Variants in MAP4 observed in about 807,000 individuals in gnomAD.
The protein encoded by MAP4 is microtubule-associated protein 4.
MAP4 carries 76 observed loss-of-function variants against 170.2 expected under a neutral mutation model. The observed-to-expected ratio is 0.45, with a 90% CI of 0.37 to 0.54. MAP4 has a LOEUF of 0.54. Among genes scored for constraint, MAP4 ranks in the 20% least tolerant of loss-of-function variants. MAP4 has a pLI of 0.00. For synonymous variants in MAP4, 909 were observed against 994.5 expected, an observed-to-expected ratio of 0.91 and a Z score of 1.62; for missense variants, 2,506 against 2,748.0, an observed-to-expected ratio of 0.91 and a Z score of 1.97.
intron 1 of MAP4, among the ~76,000 whole-genome samples, chr3:48,029,721 C>T (rs1301621229): frequency 2.0e-5 from 3 of 152,030 alleles, no homozygotes; most frequent in Non-Finnish European, 4.4e-5. Context: ...AGAGGTAGGT[C>T]GGGCACGGTG....
chr3:47,961,643 G>T (rs768997578), intron 3 of MAP4, among the ~76,000 whole-genome samples: 1 of 152,090 alleles, frequency 6.6e-6, no homozygotes, highest in African/African-American at 2.4e-5. Context: ...CCTAGAGAGC[G>T]GGCATGATGA....
chr3:47,983,341 T>C (rs1282811874), intron 2 of MAP4, among the ~76,000 whole-genome samples: 1 of 152,168 alleles, frequency 6.6e-6, no homozygotes, highest in Non-Finnish European at 1.5e-5. Context: ...CCCAAGTATA[T>C]GGTGACAACA....
At chr3:48,024,203 G>A (rs529058564) in intron 1 of MAP4, among the ~76,000 whole-genome samples, 3 of 152,122 alleles carry the variant, frequency 2.0e-5, no homozygotes, top group East Asian at 1.9e-4. Context: ...CCAGCTACTC[G>A]GGAGGCTGAG....
intron 1 of MAP4, among the ~76,000 whole-genome samples, chr3:48,026,187 A>G (rs1278431486): frequency 6.6e-6 from 1 of 152,176 alleles, no homozygotes; most frequent in Admixed American, 6.5e-5. Context: ...GTAAACATAA[A>G]TCCTGCTTGC....
chr3:47,926,657 C>A (rs974241119), intron 4 of MAP4, among the ~76,000 whole-genome samples: 1 of 152,160 alleles, frequency 6.6e-6, no homozygotes, highest in Admixed American at 6.5e-5. Flanking sequence ...ACCCCAGCCT[C>A]CCGAGTAGCT....
chr3:47,942,738 AGTT>A (rs541590209), intron 3 of MAP4, among the ~76,000 whole-genome samples: 2 of 152,250 alleles, frequency 1.3e-5, no homozygotes, highest in South Asian at 4.1e-4. Context: ...ATGCTAAAAT[AGTT>A]GTGGTAAAAT....
chr3:48,063,789 A>G (rs1579726975), intron 1 of MAP4, among the ~76,000 whole-genome samples: 1 of 152,244 alleles, frequency 6.6e-6, no homozygotes, highest in Non-Finnish European at 1.5e-5. Flanking sequence ...CGACATTGTG[A>G]AAAAGGCAAA....
At chr3:47,951,392 G>C (rs980949497) in intron 3 of MAP4, among the ~76,000 whole-genome samples, 16 of 152,160 alleles carry the variant, frequency 1.1e-4, no homozygotes, top group African/African-American at 2.9e-4. Flanking sequence ...GTCTCCCTCT[G>C]ATGCCGAGCC....
In MAP4 at chr3:47,912,313, A is replaced by T; in HGVS notation, c.2108T>A (p.Leu703Gln). Residue 703 changes from leucine to glutamine, a missense_variant, in exon 9 of 21, where the codon CTG becomes CAG. Leu to Gln is a moderately radical substitution (Grantham distance 113). This residue lies in a region of MAP4 where 2,008 missense variants were observed against 2,206.0 expected (regional missense o/e 0.91). Coordinates refer to ENST00000683076, the MANE Select transcript of MAP4 (RefSeq NM_001385682.1). ...AGTCTTCCATGGAGGAGAGCCTCCCAGCAGCTCAGGAGGGACCCTGGCAGG... is the reference window on the plus strand; with the variant it reads ...AGTCTTCCATGGAGGAGAGCCTCCCTGCAGCTCAGGAGGGACCCTGGCAGG... ...PKPARVPPEL[L>Q]GGSPPWKTLD... 6.5e-7 allele frequency: 1 copy of T among 1,536,162 alleles called. No homozygotes were observed. Among genetic ancestry groups the T allele is most frequent in the South Asian group, 1.2e-5 (1 of 84,058 alleles).
chr3:48,029,586 T>G (rs2100114882), intron 1 of MAP4, among the ~76,000 whole-genome samples: 1 of 152,166 alleles, frequency 6.6e-6, no homozygotes, highest in African/African-American at 2.4e-5. Context: ...GCATACTGAT[T>G]CCTAAGGTAG....
rs2154383210 is a variant in MAP4 at position 48,001,257 on chromosome 3, G to A, written c.-19-2378C>T. Among the ~76,000 whole-genome samples, 3 of 152,252 alleles carry A rather than the reference G, an allele frequency of 2.0e-5. No homozygotes were observed. In the South Asian group the frequency reaches 6.2e-4, roughly 32 times the overall value. On this transcript the variant is annotated intron_variant, in intron 1 of 20. Transcript: ENST00000683076. Reference sequence around the variant, plus strand: ...GATAGTTTGTCTCTACCTATATGGAGCTTAGTGAAAACATTCATTACATAT... The same window carrying A: ...GATAGTTTGTCTCTACCTATATGGAACTTAGTGAAAACATTCATTACATAT...
chr3:48,071,835 C>T (rs1194980773), intron 1 of MAP4, among the ~76,000 whole-genome samples: 2 of 151,876 alleles, frequency 1.3e-5, no homozygotes, highest in Admixed American at 6.6e-5. Context: ...ACCCAGGAGG[C>T]AGAGGTTGCA....
At chr3:48,006,830 G>A (rs965168554) in intron 1 of MAP4, among the ~76,000 whole-genome samples, 2 of 152,184 alleles carry the variant, frequency 1.3e-5, no homozygotes, top group African/African-American at 2.4e-5. Context: ...ACCAAGTGGT[G>A]ACTCCAATTG....
intron 1 of MAP4, among the ~76,000 whole-genome samples, chr3:48,048,782 C>A (rs2100125970): frequency 6.6e-6 from 1 of 151,882 alleles, no homozygotes; most frequent in Admixed American, 6.6e-5. Flanking sequence ...AGACTACAGA[C>A]CTTATTCAGT....
chr3:47,909,199 G>C lies in MAP4; in HGVS notation c.5222C>G (p.Ser1741Cys). 1 of 1,613,852 alleles carries C rather than the reference G, an allele frequency of 6.2e-7. No homozygotes were observed. The highest frequency in any genetic ancestry group is 2.2e-5 in the East Asian group (1 of 44,874). ...LETPQKMTEK[S>C]ESKTPGEGKK... ...CCCTTCTCCTGGTGTCTTTGATTCA[G>C]ATTTTTCTGTCATTTTCTGAGGTGT... The change falls in exon 9 of 21, where the codon TCT (serine) becomes TGT (cysteine). Residue 1741 changes from serine to cysteine, a missense_variant. Transcript: ENST00000683076.
In MAP4 at chr3:48,039,048, G is replaced by A. The variant is rs1386111712; in HGVS notation, c.-19-40169C>T. Among the ~76,000 whole-genome samples, 4 of 152,016 alleles carry A rather than the reference G, an allele frequency of 2.6e-5. No individual in the cohort carries two copies. The South Asian group carries it at 6.2e-4, about 24-fold the overall frequency. ...AGCCTGGGGAGGTAAAGGCTGCAGT[G>A]AGCCGAGATCATACCACTGCACTCC... On this transcript the variant is annotated intron_variant, in intron 1 of 18. Coordinates refer to the MAP4 transcript ENST00000360240.
At chr3:47,946,654 CA>C (rs11427271) in intron 3 of MAP4, among the ~76,000 whole-genome samples, 701 of 40,812 alleles carry the variant, frequency 0.017, 1 homozygote, top group South Asian at 0.026. Context: ...AACTCCGTCT[CA>C]AAAAAAAAAA....
chr3:48,055,849 C>A (rs1434137002), intron 1 of MAP4, among the ~76,000 whole-genome samples: 2 of 134,840 alleles, frequency 1.5e-5, no homozygotes, highest in East Asian at 4.5e-4. Context: ...AGCGCCTCTG[C>A]CCCGCCGCCC....
At chr3:48,015,150 T>G (rs1053010077) in intron 1 of MAP4, among the ~76,000 whole-genome samples, 3 of 152,174 alleles carry the variant, frequency 2.0e-5, no homozygotes, top group Non-Finnish European at 4.4e-5. Context: ...CCTAGGCTAC[T>G]TTGAGGCAAA....
Sources: allele counts gnomAD v4.1 joint callset (sites outside exome capture counted in the v4.1 genomes callset), GRCh38; gene constraint gnomAD v4.1.1; regional missense constraint gnomAD v4.1.1; transcripts MANE v1.5; gene names NCBI Gene and HGNC (gene_info 2026-07-23, HGNC 2026-07-21).